The following IL1RAPL2 variants were observed in gnomAD, a reference collection of about 807,000 sequenced individuals.
IL1RAPL2 encodes the protein interleukin 1 receptor accessory protein like 2.
Under a neutral mutation model 44.1 loss-of-function variants are expected in IL1RAPL2, and 3 were observed. That is an observed-to-expected ratio of 0.07 (90% CI 0.03 to 0.18). The LOEUF is 0.18. IL1RAPL2 is among the 10% of genes least tolerant of loss of function. The probability of loss-of-function intolerance (pLI) is 1.00; values close to 1 mark genes in which losing one functional copy is unlikely to be tolerated. For synonymous variants in IL1RAPL2, 181 were observed against 178.8 expected, an observed-to-expected ratio of 1.01 and a Z score of -0.10; for missense variants, 391 against 496.4, an observed-to-expected ratio of 0.79 and a Z score of 2.02.
intron 2 of IL1RAPL2, among the ~76,000 whole-genome samples, chrX:104,968,647 A>G (rs1238300952): frequency 8.9e-6 from 1 of 111,762 alleles, no homozygotes; most frequent in East Asian, 2.8e-4. Context: ...GAGATAATCT[A>G]TAAAGCCTTA....
chrX:104,879,365 T>TA (rs753494292), intron 2 of IL1RAPL2, among the ~76,000 whole-genome samples: 647 of 31,027 alleles, frequency 0.021, 25 homozygotes, highest in Admixed American at 0.033. Context: ...GCAAAACTAG[T>TA]AAAAAAAAAA....
At chrX:104,992,882 C>T (rs2030687558) in intron 2 of IL1RAPL2, among the ~76,000 whole-genome samples, 1 of 111,226 alleles carries the variant, frequency 9.0e-6, no homozygotes, top group Non-Finnish European at 1.9e-5. Context: ...ATAGGGAAAA[C>T]TTAATTTTAG....
intron 1 of IL1RAPL2, among the ~76,000 whole-genome samples, chrX:104,649,465 T>C (rs187934539): frequency 9.0e-6 from 1 of 111,620 alleles, no homozygotes; most frequent in Non-Finnish European, 1.9e-5. Flanking sequence ...TCTGATTGAA[T>C]AGCTAATAGG....
chrX:105,311,865 T>C (rs1371543694), intron 5 of IL1RAPL2, among the ~76,000 whole-genome samples: 1 of 111,406 alleles, frequency 9.0e-6, no homozygotes, highest in Admixed American at 9.6e-5. Context: ...TGTTCCTTGC[T>C]AATTTAATAA....
chrX:105,362,195 CAG>C (rs1284181092), intron 5 of IL1RAPL2, among the ~76,000 whole-genome samples: 1 of 111,418 alleles, frequency 9.0e-6, no homozygotes, highest in African/African-American at 3.3e-5. Context: ...ACACGTGAAA[CAG>C]AATAGTGTTC....
At chrX:105,549,821 A>T (rs1280657028) in intron 6 of IL1RAPL2, among the ~76,000 whole-genome samples, 1 of 111,999 alleles carries the variant, frequency 8.9e-6, no homozygotes, top group Non-Finnish European at 1.9e-5. Flanking sequence ...AGAATTACTC[A>T]GAGACCTGAA....
intron 2 of IL1RAPL2, among the ~76,000 whole-genome samples, chrX:104,906,759 A>G (rs927992261): frequency 2.7e-5 from 3 of 111,863 alleles, no homozygotes; most frequent in East Asian, 2.8e-4. Flanking sequence ...ATATTGGTCT[A>G]AAATTGTCTT....
intron 6 of IL1RAPL2, among the ~76,000 whole-genome samples, chrX:105,622,882 ATCTCT>A (rs1036382695): frequency 7.2e-4 from 79 of 110,076 alleles, no homozygotes; most frequent in African/African-American, 2.4e-3. Context: ...ACCCCCACTA[ATCTCT>A]TCTCAAGTTT....
chrX:105,432,843 G>A (rs2035857654), intron 5 of IL1RAPL2, among the ~76,000 whole-genome samples: 1 of 109,726 alleles, frequency 9.1e-6, no homozygotes, highest in African/African-American at 3.3e-5. Context: ...CCAATTTGTT[G>A]TTTTTAACCC....
At chrX:105,716,636 G>A (rs959766758) in intron 6 of IL1RAPL2, among the ~76,000 whole-genome samples, 5 of 111,314 alleles carry the variant, frequency 4.5e-5, no homozygotes. Context: ...AGCTATCTAG[G>A]TATTAATATT....
At position 105,645,284 on chromosome X, in the gene IL1RAPL2, G is replaced by A. The variant is rs192346997; in HGVS notation, c.773-72083G>A. ...ATCCCTAGGAAGCTTTGTCCAATGG[G>A]CCCAGCCTCCAACCTGCCATAACAA... is the stretch of plus-strand genomic sequence containing the variant. On this transcript the variant is annotated intron_variant, in intron 6 of 10. Transcript: ENST00000372582. Among the ~76,000 whole-genome samples the A allele has an allele frequency of 6.3e-3, 699 of 110,808 alleles. 1 individual carries two copies. The highest frequency in any genetic ancestry group is 0.019 in the Middle Eastern group (4 of 212).
chrX:105,550,807 G>C (rs2036846219), intron 6 of IL1RAPL2, among the ~76,000 whole-genome samples: 1 of 111,329 alleles, frequency 9.0e-6, no homozygotes, highest in African/African-American at 3.3e-5. Context: ...ATACCACAAA[G>C]AGTGGTTGTC....
intron 2 of IL1RAPL2, among the ~76,000 whole-genome samples, chrX:104,677,136 G>C (rs1290232982): frequency 1.8e-5 from 2 of 112,025 alleles, no homozygotes; most frequent in East Asian, 2.8e-4. Flanking sequence ...TCCGTTGCTG[G>C]TGAGGAATTG....
rs1423977310 is a variant in IL1RAPL2, at chrX:104,909,077, G to A, written c.82+250082G>A. Among the ~76,000 whole-genome samples, 12 of 110,800 alleles carry A rather than the reference G, an allele frequency of 1.1e-4. No individual in the cohort carries two copies. In the East Asian group the frequency reaches 1.7e-3, roughly 16 times the overall value. Reference sequence around the variant, plus strand: ...CTTTTTTCTCTAAACTTCCCTTCTCGCTTCATTTCATTCATTTCGTCTTCC... The same window carrying A: ...CTTTTTTCTCTAAACTTCCCTTCTCACTTCATTTCATTCATTTCGTCTTCC... On this transcript the variant is annotated intron_variant, in intron 2 of 10. Coordinates refer to ENST00000372582, the MANE Select transcript of IL1RAPL2 (RefSeq NM_017416.2).
At chrX:105,757,769 C>T (rs1195092976) in intron 10 of IL1RAPL2, among the ~76,000 whole-genome samples, 6 of 111,352 alleles carry the variant, frequency 5.4e-5, no homozygotes, top group Non-Finnish European at 9.4e-5. Context: ...CTCTGAATTC[C>T]GATTTGCGAG....
intron 5 of IL1RAPL2, among the ~76,000 whole-genome samples, chrX:105,336,237 A>T (rs999174698): frequency 6.2e-5 from 7 of 112,368 alleles, no homozygotes; most frequent in Admixed American, 1.9e-4. Flanking sequence ...AGATAAAGTT[A>T]TAAAATGATA....
At chrX:105,303,616 C>A (rs2034712708) in intron 5 of IL1RAPL2, among the ~76,000 whole-genome samples, 1 of 112,227 alleles carries the variant, frequency 8.9e-6, no homozygotes, top group African/African-American at 3.2e-5. Context: ...GTCAGGCCTG[C>A]TGATATTCTG....
chrX:105,721,210 G>A (rs2038301133), intron 7 of IL1RAPL2, among the ~76,000 whole-genome samples: 1 of 111,339 alleles, frequency 9.0e-6, no homozygotes, highest in Non-Finnish European at 1.9e-5. Flanking sequence ...GAGGTCAGGA[G>A]TTCAAGGCCA....
intron 4 of IL1RAPL2, among the ~76,000 whole-genome samples, chrX:105,247,603 ATGTGTGTGTGTGTGTGTGTGTG>A (rs10588244): frequency 1.1e-5 from 1 of 95,034 alleles, no homozygotes; most frequent in African/African-American, 3.7e-5. Context: ...ATATATATAT[ATGTGTGTGTGTGTGTGTGTGTG>A]TGTGTGTGTG....
Sources: allele counts gnomAD v4.1 joint callset (sites outside exome capture counted in the v4.1 genomes callset), GRCh38; gene constraint gnomAD v4.1.1; transcripts MANE v1.5; gene names NCBI Gene and HGNC (gene_info 2026-07-23, HGNC 2026-07-21).